SNX29: variants seen among roughly 807,000 people sequenced by gnomAD.
SNX29 encodes sorting nexin 29.
In SNX29, 78 loss-of-function variants were observed where a neutral mutation model predicts 102.1. That is an observed-to-expected ratio of 0.76 (90% CI 0.64 to 0.92). The LOEUF (loss-of-function observed/expected upper bound fraction) is 0.92, where lower values mean the gene tolerates loss of function less well. Ranked by LOEUF, SNX29 falls within the 40% of genes least tolerant of loss-of-function variation. SNX29 has a pLI of 0.00. For synonymous variants in SNX29, 580 were observed against 414.5 expected (o/e 1.40, Z -4.85); for missense variants, 1,280 against 1,061.7 (o/e 1.21, Z -2.86).
At chr16:12,439,982 A>G (rs1057442849) in intron 18 of SNX29, among the ~76,000 whole-genome samples, 5 of 152,104 alleles carry the variant, frequency 3.3e-5, no homozygotes, top group Non-Finnish European at 7.4e-5. Context: ...GGACGTGGGG[A>G]TGCAGCCCAA....
At chr16:12,234,266 T>C (rs978499236) in intron 14 of SNX29, among the ~76,000 whole-genome samples, 8 of 152,196 alleles carry the variant, frequency 5.3e-5, no homozygotes, top group East Asian at 1.9e-4. Context: ...ACCTTCACGT[T>C]TGCAAATCAG....
intron 11 of SNX29, among the ~76,000 whole-genome samples, chr16:12,109,699 G>T: frequency 6.6e-6 from 1 of 151,852 alleles, no homozygotes; most frequent in South Asian, 2.1e-4. Flanking sequence ...CTGCAAGAAG[G>T]CTCAAGGGTT....
intron 18 of SNX29, among the ~76,000 whole-genome samples, chr16:12,466,392 A>G (rs1389319807): frequency 6.6e-6 from 1 of 152,214 alleles, no homozygotes; most frequent in East Asian, 1.9e-4. Flanking sequence ...AAATTTAGAA[A>G]AGTCCCATTT....
Position 12,512,367 on chromosome 16 carries a change from AAAATATATATATATATATATATATAT to A in SNX29, c.2179-12333_2179-12308del, listed in dbSNP as rs1413249112. ...TACGTCCATCATGGAAGGCCCAGGG[AAAATATATATATATATATATATATAT>A]ATATATATATATATATATATATATA... On this transcript the variant is annotated intron_variant, in intron 19 of 20. Transcript: ENST00000566228. Among the ~76,000 whole-genome samples the A allele has an allele frequency of 8.6e-4, 34 of 39,490 alleles. 2 individuals carry two copies. In the South Asian group the frequency reaches 0.01, roughly 12 times the overall value. The allele number at this position is 39,490 out of a possible 152,430, so 25.9% of individuals were successfully genotyped here.
chr16:12,091,039 G>GAAAAAAAAAAAAAA (rs769027308), intron 11 of SNX29, among the ~76,000 whole-genome samples: 1 of 111,180 alleles, frequency 9.0e-6, no homozygotes, highest in African/African-American at 3.7e-5. Flanking sequence ...AAAAAAAAAA[G>GAAAAAAAAAAAAAA]AAAGAAAAAG....
At chr16:12,546,810 G>A (rs187836154) in intron 20 of SNX29, 115 of 152,300 alleles carry the variant, frequency 7.6e-4, no homozygotes, top group African/African-American at 2.7e-3. Flanking sequence ...AATTAGGATT[G>A]CTTTCAAAAT....
chr16:12,565,530 C>CCCTG (rs1567216963), intron 20 of SNX29, among the ~76,000 whole-genome samples: 26 of 152,334 alleles, frequency 1.7e-4, no homozygotes, highest in African/African-American at 6.0e-4. Flanking sequence ...CTCCACATGG[C>CCCTG]CTCGAGGATT....
At chr16:12,548,519 T>G (rs2077754011) in intron 20 of SNX29, among the ~76,000 whole-genome samples, 1 of 152,218 alleles carries the variant, frequency 6.6e-6, no homozygotes, top group African/African-American at 2.4e-5. Context: ...ACCAGATGCT[T>G]TGAGGGTGCA....
chr16:12,319,417 C>A (rs1287311696), intron 15 of SNX29, among the ~76,000 whole-genome samples: 1 of 152,136 alleles, frequency 6.6e-6, no homozygotes, highest in African/African-American at 2.4e-5. Flanking sequence ...TTGCATGAGT[C>A]CAGGATACTG....
In SNX29 at chr16:12,096,243, C is replaced by T. The variant is rs2052760773; in HGVS notation, c.1402+17328C>T. On this transcript the variant is annotated intron_variant, in intron 11 of 20. Transcript: ENST00000566228. The surrounding 1 kb of genome is among the most constrained non-coding windows in gnomAD (Gnocchi z 4.2). ...ATTTTGTGTATTAGCCCTTCAGTGACTGTCTTAGTGTCTTAGTAATTGGAA... is the reference window on the plus strand; with the variant it reads ...ATTTTGTGTATTAGCCCTTCAGTGATTGTCTTAGTGTCTTAGTAATTGGAA... Among the ~76,000 whole-genome samples, 1 of 152,228 alleles carries T rather than the reference C, an allele frequency of 6.6e-6. No individual in the cohort carries two copies. Among genetic ancestry groups the T allele is most frequent in the Non-Finnish European group, 1.5e-5 (1 of 68,038 alleles).
At chr16:12,102,708 C>A (rs1421491464) in intron 11 of SNX29, among the ~76,000 whole-genome samples, 1 of 152,072 alleles carries the variant, frequency 6.6e-6, no homozygotes, top group African/African-American at 2.4e-5. Flanking sequence ...AAATTCTGGC[C>A]AGAGCAATCA....
At chr16:12,332,701 G>C (rs118051223) in intron 15 of SNX29, among the ~76,000 whole-genome samples, 167 of 152,202 alleles carry the variant, frequency 1.1e-3, no homozygotes, top group Non-Finnish European at 2.1e-3. Flanking sequence ...ACCAGGGTTG[G>C]GCACCTCTGT....
chr16:12,559,243 A>C (rs554302637), intron 20 of SNX29, among the ~76,000 whole-genome samples: 1 of 152,030 alleles, frequency 6.6e-6, no homozygotes, highest in African/African-American at 2.4e-5. Flanking sequence ...CATCACTCGC[A>C]TCACCGCCTG....
intron 11 of SNX29, among the ~76,000 whole-genome samples, chr16:12,120,507 T>C (rs927554949): frequency 2.6e-5 from 4 of 152,210 alleles, no homozygotes; most frequent in African/African-American, 9.6e-5. Context: ...CAGTTGAAGA[T>C]CAATGAGTCT....
intron 14 of SNX29, among the ~76,000 whole-genome samples, chr16:12,268,422 C>G (rs77295416): frequency 0.022 from 3,292 of 152,328 alleles, 60 homozygotes; most frequent in Non-Finnish European, 0.032. Flanking sequence ...GGGTCTGTTT[C>G]ATCGCAGAGC....
chr16:12,021,827 G>A (rs995289518), intron 3 of SNX29, among the ~76,000 whole-genome samples: 1 of 151,808 alleles, frequency 6.6e-6, no homozygotes, highest in Non-Finnish European at 1.5e-5. Context: ...GGTGGCAGAG[G>A]TTACAGTGAG....
intron 20 of SNX29, among the ~76,000 whole-genome samples, chr16:12,555,849 C>T (rs922219496): frequency 2.6e-5 from 4 of 152,226 alleles, no homozygotes; most frequent in Admixed American, 1.3e-4. Context: ...CCCCCCTCAC[C>T]ACCTCCATCA....
At chr16:12,540,912 C>G (rs900796064) in intron 20 of SNX29, among the ~76,000 whole-genome samples, 3 of 152,164 alleles carry the variant, frequency 2.0e-5, no homozygotes, top group African/African-American at 4.8e-5. Flanking sequence ...TCTGACAGCC[C>G]TGTCTGTTCA....
chr16:12,304,721 C>A (rs569533409), intron 15 of SNX29, among the ~76,000 whole-genome samples: 2 of 152,172 alleles, frequency 1.3e-5, no homozygotes, highest in Non-Finnish European at 2.9e-5. Context: ...GCTTCTCCTC[C>A]TATTTTATTT....
Sources: allele counts gnomAD v4.1 joint callset (sites outside exome capture counted in the v4.1 genomes callset), GRCh38; gene constraint gnomAD v4.1.1; non-coding constraint Gnocchi (gnomAD v3.1); transcripts MANE v1.5; gene names NCBI Gene and HGNC (gene_info 2026-07-23, HGNC 2026-07-21).